The following ITGA2 variants were observed in gnomAD, a reference collection of about 807,000 sequenced individuals.
The protein encoded by ITGA2 is integrin alpha-2.
In ITGA2, 101 loss-of-function variants were observed where a neutral mutation model predicts 146.3. The ratio of observed to expected loss-of-function variants is 0.69; its 90% CI spans 0.59 to 0.81. ITGA2 has a LOEUF of 0.81. ITGA2 is among the 40% of genes least tolerant of loss of function. The pLI is 0.00. For synonymous variants in ITGA2, 477 were observed against 487.1 expected, an observed-to-expected ratio of 0.98 and a Z score of 0.27; for missense variants, 1,281 against 1,402.7, an observed-to-expected ratio of 0.91 and a Z score of 1.39.
At chr5:53,019,621 G>A (rs1053627960) in intron 1 of ITGA2, among the ~76,000 whole-genome samples, 4 of 152,158 alleles carry the variant, frequency 2.6e-5, no homozygotes, top group Non-Finnish European at 5.9e-5. Context: ...CACCTCCTGG[G>A]TTCAAGCAAT....
chr5:53,086,672 G>A (rs1013310693), intron 27 of ITGA2, among the ~76,000 whole-genome samples: 1 of 152,054 alleles, frequency 6.6e-6, no homozygotes, highest in Non-Finnish European at 1.5e-5. Context: ...ATCTCCTCAG[G>A]GAGATATTTT....
chr5:53,059,950 T>G lies in ITGA2; in HGVS notation c.1250T>G (p.Leu417Trp). The change falls in exon 11 of 30, where the codon TTG (leucine) becomes TGG (tryptophan). Residue 417 changes from leucine (L) to tryptophan (W), a missense_variant. Physicochemically the swap from Leu to Trp is moderately conservative, Grantham distance 61. This residue lies in a region of ITGA2 where 795 missense variants were observed against 841.7 expected (regional missense o/e 0.94). Coordinates refer to ENST00000296585, the MANE Select transcript of ITGA2 (RefSeq NM_002203.4). ...GTCCAGAAGACATCTCATGGCCATT[T>G]GATCTTTCCTAAACAAGCCTTTGAC... is the stretch of plus-strand genomic sequence containing the variant. ...TIVQKTSHGH[L>W]IFPKQAFDQI... 6.2e-7 allele frequency: 1 copy of G among 1,612,362 alleles called. No individual in the cohort carries two copies. The highest frequency in any genetic ancestry group is 2.2e-5 in the East Asian group (1 of 44,736).
At position 53,073,108 on chromosome 5, in the gene ITGA2, C is replaced by T; in HGVS notation, c.2430-10C>T. 6.2e-7 allele frequency: 1 copy of T among 1,611,116 alleles called. No homozygotes were observed. The stretch of plus-strand genomic sequence containing the variant: ...AATGGCTTTTCCCCCCTCCTTTTTA[C>T]TTTTAACAGAGAACAACCCTTTATT... On this transcript the variant is annotated splice_polypyrimidine_tract_variant and intron_variant, in intron 19 of 29. Transcript: ENST00000296585.
intron 1 of ITGA2, among the ~76,000 whole-genome samples, chr5:52,999,972 A>G (rs989033259): frequency 2.6e-5 from 4 of 152,126 alleles, no homozygotes; most frequent in Non-Finnish European, 4.4e-5. Flanking sequence ...CCATTTCTCT[A>G]GTCTTATTTT....
intron 16 of ITGA2, 31 bp from the exon 17 acceptor site, chr5:53,070,078 T>C: frequency 6.3e-7 from 1 of 1,575,482 alleles, no homozygotes; most frequent in East Asian, 2.3e-5. Context: ...TGATTTGAAA[T>C]AACATTTCTT....
chr5:52,989,494 CGCCGCT>C lies in ITGA2; in HGVS notation c.35_40del (p.Pro12_Leu13del). ...ATGGGGCCAGAACGGACAGGGGCCG[CGCCGCT>C]GCCGCTGCTGCTGGTGTTAGCGCTC... On this transcript the variant is annotated inframe_deletion, in exon 1 of 30. Coordinates refer to ENST00000296585, the MANE Select transcript of ITGA2 (RefSeq NM_002203.4). 3 of 1,614,134 alleles carry C rather than the reference CGCCGCT, an allele frequency of 1.9e-6. No individual in the cohort carries two copies. The highest frequency in any genetic ancestry group is 2.5e-6 in the Non-Finnish European group (3 of 1,180,000).
chr5:53,007,504 G>C (rs1741914750), intron 1 of ITGA2, among the ~76,000 whole-genome samples: 1 of 151,602 alleles, frequency 6.6e-6, no homozygotes, highest in Non-Finnish European at 1.5e-5. Flanking sequence ...AGAGAAACGG[G>C]GAGAGAGAGA....
chr5:53,074,947 T>C (rs1309583690), intron 21 of ITGA2, 114 bp from the exon 22 acceptor site: 12 of 742,818 alleles, frequency 1.6e-5, no homozygotes, highest in Non-Finnish European at 2.1e-5. Flanking sequence ...TTAAGGTATA[T>C]AAAATTCAGA....
intron 1 of ITGA2, among the ~76,000 whole-genome samples, chr5:53,019,683 G>A (rs1044470253): frequency 3.3e-5 from 5 of 152,094 alleles, no homozygotes; most frequent in African/African-American, 1.2e-4. Context: ...GTGCCACCAT[G>A]CCCAGCTATT....
intron 1 of ITGA2, among the ~76,000 whole-genome samples, chr5:53,025,597 GA>G (rs1742900341): frequency 6.6e-6 from 1 of 152,228 alleles, no homozygotes; most frequent in African/African-American, 2.4e-5. Flanking sequence ...CTGAAATGCA[GA>G]GGCGCAATGG....
At position 53,059,917 on chromosome 5, in the gene ITGA2, G is replaced by A. The variant is rs149096085; in HGVS notation, c.1217G>A (p.Gly406Glu). The A allele has an allele frequency of 5.2e-5, 84 of 1,611,978 alleles. No homozygotes were observed. Among genetic ancestry groups the A allele is most frequent in the Non-Finnish European group, 5.5e-5 (65 of 1,178,846 alleles). The change falls in exon 11 of 30, where the codon GGG becomes GAG. Residue 406 changes from glycine (G) to glutamate (E), a missense_variant. Physicochemically the swap from Gly to Glu is moderately conservative, Grantham distance 98 (BLOSUM62 -2). Transcript: ENST00000296585. Reference sequence around the variant, plus strand: ...GCAGTGGGAGCTTTTGGCTGGAGTGGGACCATTGTCCAGAAGACATCTCAT... The same window carrying A: ...GCAGTGGGAGCTTTTGGCTGGAGTGAGACCATTGTCCAGAAGACATCTCAT... ...LGAVGAFGWS[G>E]TIVQKTSHGH...
chr5:53,018,721 A>G (rs1433439330), intron 1 of ITGA2, among the ~76,000 whole-genome samples: 1 of 152,212 alleles, frequency 6.6e-6, no homozygotes, highest in African/African-American at 2.4e-5. Flanking sequence ...AATTACATTT[A>G]TTCTTGAAGA....
intron 1 of ITGA2, among the ~76,000 whole-genome samples, chr5:53,002,357 T>A (rs1176181252): frequency 1.3e-5 from 2 of 152,148 alleles, no homozygotes; most frequent in African/African-American, 4.8e-5. Flanking sequence ...TAAAGTTGAA[T>A]ATTTAAATAT....
chr5:53,028,514 G>A (rs1743060509), intron 2 of ITGA2, among the ~76,000 whole-genome samples: 1 of 152,228 alleles, frequency 6.6e-6, no homozygotes, highest in Admixed American at 6.5e-5. Context: ...ATAAAGTGGT[G>A]AGGAGGCTAG....
intron 12 of ITGA2, 25 bp downstream of exon 12, chr5:53,061,071 A>G: frequency 1.2e-6 from 2 of 1,611,442 alleles, no homozygotes; most frequent in Non-Finnish European, 8.5e-7. Flanking sequence ...TTAGCAGGTG[A>G]AATTAATTTT....
chr5:53,065,904 G>A lies in ITGA2; in HGVS notation c.1870G>A (p.Gly624Ser). The A allele has an allele frequency of 6.2e-7, 1 of 1,612,202 alleles. No homozygotes were observed. Among genetic ancestry groups the A allele is most frequent in the African/African-American group, 1.3e-5 (1 of 74,880 alleles). Residue 624 changes from glycine to serine, a missense_variant, in exon 15 of 30, where the codon GGC becomes AGC. Coordinates refer to ENST00000296585, the MANE Select transcript of ITGA2 (RefSeq NM_002203.4). Reference sequence around the variant, plus strand: ...CCAGTACTTTGGGAGGTCCTTGGATGGCTATGGAGATTTAAATGGGGATTC... The same window carrying A: ...CCAGTACTTTGGGAGGTCCTTGGATAGCTATGGAGATTTAAATGGGGATTC... Reference protein sequence around the residue: ...HLQYFGRSLDGYGDLNGDSIT... With the variant: ...HLQYFGRSLDSYGDLNGDSIT...
chr5:53,025,921 A>G (rs1419410697), intron 1 of ITGA2, among the ~76,000 whole-genome samples: 3 of 152,210 alleles, frequency 2.0e-5, no homozygotes, highest in African/African-American at 7.2e-5. Context: ...GATTTGCCTT[A>G]TTCCTTTCCT....
intron 9 of ITGA2, among the ~76,000 whole-genome samples, 164 bp downstream of exon 9, chr5:53,056,313 A>G (rs1045015046): frequency 3.3e-5 from 5 of 152,120 alleles, no homozygotes; most frequent in Non-Finnish European, 7.4e-5. Context: ...TAGTTTATAA[A>G]TGATAAAATA....
intron 1 of ITGA2, among the ~76,000 whole-genome samples, chr5:53,013,823 C>T (rs1158561524): frequency 6.6e-6 from 1 of 151,982 alleles, no homozygotes; most frequent in Admixed American, 6.6e-5. Flanking sequence ...TTTCACTTCC[C>T]TGGTTATCTG....
Sources: allele counts gnomAD v4.1 joint callset (sites outside exome capture counted in the v4.1 genomes callset), GRCh38; gene constraint gnomAD v4.1.1; regional missense constraint gnomAD v4.1.1; transcripts MANE v1.5; gene names NCBI Gene and HGNC (gene_info 2026-07-23, HGNC 2026-07-21).